E2F6: variants seen among roughly 807,000 people sequenced by gnomAD.
E2F6 encodes E2F transcription factor 6, also known as transcription factor E2F6.
In E2F6, 19 loss-of-function variants were observed where a neutral mutation model predicts 31.5. That is an observed-to-expected ratio of 0.60 (90% confidence interval 0.42 to 0.89). The LOEUF is 0.89. Among genes scored for constraint, E2F6 ranks in the 40% least tolerant of loss-of-function variants. The probability of loss-of-function intolerance (pLI) is 0.00; values close to 1 mark genes in which losing one functional copy is unlikely to be tolerated. For missense variants in E2F6, 269 were observed against 341.6 expected, an observed-to-expected ratio of 0.79 and a Z score of 1.67; for synonymous variants, 121 against 127.7, an observed-to-expected ratio of 0.95 and a Z score of 0.36.
intron 2 of E2F6, chr2:11,456,935 C>T (rs1671443612): frequency 2.3e-6 from 1 of 438,904 alleles, no homozygotes; most frequent in Non-Finnish European, 4.1e-6. Flanking sequence ...ATTTCTCTCC[C>T]AGGAGGAATT....
chr2:11,458,284 A>C, intron 1 of E2F6: 1 of 1,551,824 alleles, frequency 6.4e-7, no homozygotes, highest in Non-Finnish European at 8.7e-7. Context: ...AACTCACAGA[A>C]GGATTCATGG....
chr2:11,459,955 C>T (rs1671671044), intron 1 of E2F6, among the ~76,000 whole-genome samples: 1 of 152,076 alleles, frequency 6.6e-6, no homozygotes, highest in East Asian at 1.9e-4. Flanking sequence ...AAGTCAGAGG[C>T]TTACAAAATG....
intron 1 of E2F6, 109 bp from the exon 2 acceptor site, chr2:11,457,342 C>G: frequency 1.4e-6 from 1 of 728,434 alleles, no homozygotes; most frequent in Non-Finnish European, 2.3e-6. Flanking sequence ...ATGATAATTA[C>G]TGGCTGGGCA....
chr2:11,453,072 CAG>C (rs1671171874), intron 3 of E2F6, among the ~76,000 whole-genome samples: 1 of 152,208 alleles, frequency 6.6e-6, no homozygotes, highest in African/African-American at 2.4e-5. Context: ...TGTGCACACA[CAG>C]ATACCTTTAT....
In E2F6 at chr2:11,459,653, G is replaced by A. The variant is rs976197593; in HGVS notation, c.109-2420C>T. On this transcript the variant is annotated intron_variant, in intron 1 of 6. Transcript: ENST00000381525. ...CCAGGACTTTGGGAGGCGGGGTGGG[G>A]GGAGGAGATCACAAGGTCAGGAGTT... is the stretch of plus-strand genomic sequence containing the variant. Among the ~76,000 whole-genome samples the A allele has an allele frequency of 6.6e-5, 10 of 152,168 alleles. No homozygotes were observed. In the South Asian group the frequency reaches 1.2e-3, roughly 19 times the overall value.
At chr2:11,450,238 AGAT>A in intron 4 of E2F6, 112 bp from the exon 5 acceptor site, 1 of 570,702 alleles carries the variant, frequency 1.8e-6, no homozygotes, top group Non-Finnish European at 3.0e-6. Context: ...AGTTTTTATG[AGAT>A]ACAAGTTCAC....
chr2:11,466,109 C>G lies in E2F6; in HGVS notation c.-230G>C. On this transcript the variant is annotated 5_prime_UTR_variant, in exon 1 of 7. Transcript: ENST00000381525. ...CGCAGACGGAAAAAGAGGAGGGAGACCCGCGGATCTCAAGTCGCCCGGCCC... is the reference window on the plus strand; with the variant it reads ...CGCAGACGGAAAAAGAGGAGGGAGAGCCGCGGATCTCAAGTCGCCCGGCCC... The G allele has an allele frequency of 2.0e-6, 1 of 491,180 alleles. No individual in the cohort carries two copies. The highest frequency in any genetic ancestry group is 4.0e-5 in the Admixed American group (1 of 24,790). 30.4% of individuals were successfully genotyped at this position (491,180 alleles called of 1,614,324 possible). A position where few individuals can be genotyped will look rare whatever the true frequency, so the allele number is the denominator to read the frequency against.
At chr2:11,459,387 A>C (rs1471703245) in intron 1 of E2F6, among the ~76,000 whole-genome samples, 1 of 152,216 alleles carries the variant, frequency 6.6e-6, no homozygotes, top group Non-Finnish European at 1.5e-5. Flanking sequence ...AATATGAAAA[A>C]AGATGGCTTT....
Position 11,450,022 on chromosome 2 carries a change from G to C in E2F6, c.641C>G (p.Ala214Gly). 6.2e-7 allele frequency: 1 copy of C among 1,611,278 alleles called. No individual in the cohort carries two copies. Among genetic ancestry groups the C allele is most frequent in the Non-Finnish European group, 8.5e-7 (1 of 1,178,034 alleles). The change falls in exon 5 of 7, where the codon GCT (alanine) becomes GGT (glycine). Residue 214 changes from alanine to glycine, a missense_variant. Coordinates refer to ENST00000381525, the MANE Select transcript of E2F6 (RefSeq NM_198256.4). ...TGCAGGGTTACCTACTTCTCTGGGA[G>C]CTGGAACATCCAATCTGGTTTCTGC... ...APAETRLDVP[A>G]PREDSITVHI...
At chr2:11,463,399 C>T (rs1671909320) in intron 1 of E2F6, among the ~76,000 whole-genome samples, 1 of 152,164 alleles carries the variant, frequency 6.6e-6, no homozygotes, top group Non-Finnish European at 1.5e-5. Flanking sequence ...AGCTACTTTA[C>T]TATAAGAAAA....
intron 2 of E2F6, among the ~76,000 whole-genome samples, chr2:11,454,768 C>A (rs1318016831): frequency 6.6e-6 from 1 of 152,040 alleles, no homozygotes; most frequent in Non-Finnish European, 1.5e-5. Context: ...TTCATACACA[C>A]ACACACCTCT....
chr2:11,460,162 A>T (rs777617675), intron 1 of E2F6, among the ~76,000 whole-genome samples: 4 of 152,174 alleles, frequency 2.6e-5, no homozygotes, highest in African/African-American at 4.8e-5. Flanking sequence ...ATAAAAGATG[A>T]AGTTTAGGGA....
intron 6 of E2F6, among the ~76,000 whole-genome samples, chr2:11,447,288 A>G (rs992115030): frequency 7.9e-5 from 12 of 152,064 alleles, no homozygotes; most frequent in African/African-American, 2.9e-4. Flanking sequence ...TCCCTTCTCC[A>G]AGATGTGCAG....
intron 2 of E2F6, among the ~76,000 whole-genome samples, chr2:11,456,327 T>C (rs182864495): frequency 6.6e-6 from 1 of 152,198 alleles, no homozygotes; most frequent in Non-Finnish European, 1.5e-5. Flanking sequence ...AGCATCCAGG[T>C]TGGAAAGCCT....
intron 1 of E2F6, among the ~76,000 whole-genome samples, chr2:11,462,110 ACT>A (rs1671817704): frequency 6.6e-6 from 1 of 152,154 alleles, no homozygotes; most frequent in South Asian, 2.1e-4. Context: ...AATTAAGGAA[ACT>A]CATCTTTAAT....
intron 1 of E2F6, among the ~76,000 whole-genome samples, chr2:11,461,933 A>G (rs943384455): frequency 6.6e-6 from 1 of 152,246 alleles, no homozygotes; most frequent in African/African-American, 2.4e-5. Flanking sequence ...TAGCGTCACT[A>G]AATTCTTTGC....
intron 5 of E2F6, among the ~76,000 whole-genome samples, chr2:11,449,367 T>C (rs979676304): frequency 6.6e-6 from 1 of 152,212 alleles, no homozygotes; most frequent in Non-Finnish European, 1.5e-5. Flanking sequence ...AGGGCTGCAC[T>C]GTGAGCACCG....
chr2:11,458,040 T>C (rs1020393160), intron 1 of E2F6, among the ~76,000 whole-genome samples: 23 of 152,200 alleles, frequency 1.5e-4, no homozygotes, highest in African/African-American at 5.3e-4. Context: ...GGTAGTAACA[T>C]TTAGAAACTG....
intron 4 of E2F6, chr2:11,451,079 G>A (rs1671033107): frequency 6.6e-6 from 1 of 152,142 alleles, no homozygotes; most frequent in African/African-American, 2.4e-5. Flanking sequence ...CACTTCAATG[G>A]CAATTCACTG....
Sources: gnomAD v4.1 joint callset for allele counts (sites outside exome capture counted in the v4.1 genomes callset) on GRCh38, gnomAD v4.1.1 for gene constraint, MANE v1.5 for transcripts, NCBI Gene and HGNC (gene_info 2026-07-23, HGNC 2026-07-21) for gene names.